Variants in PHF14 observed in about 807,000 individuals in gnomAD.
PHF14 encodes PHD finger protein 14.
PHF14 carries 55 observed loss-of-function variants against 117.9 expected under a neutral mutation model. The ratio of observed to expected loss-of-function variants is 0.47; its 90% CI spans 0.38 to 0.58. The LOEUF is 0.58. Ranked by LOEUF, PHF14 falls within the 20% of genes least tolerant of loss-of-function variation. The probability of loss-of-function intolerance (pLI) is 0.00; values close to 1 mark genes in which losing one functional copy is unlikely to be tolerated. For missense variants in PHF14, 978 were observed against 1,122.2 expected (o/e 0.87, Z 1.84); for synonymous variants, 409 against 368.6 (o/e 1.11, Z -1.26).
intron 17 of PHF14, among the ~76,000 whole-genome samples, chr7:11,129,652 A>G (rs1788035028): frequency 1.3e-5 from 2 of 151,510 alleles, no homozygotes; most frequent in South Asian, 2.1e-4. Flanking sequence ...TATATTAGCA[A>G]TAGGAGTCTC....
chr7:11,129,688 A>C (rs570821957), intron 17 of PHF14, among the ~76,000 whole-genome samples: 3 of 151,808 alleles, frequency 2.0e-5, no homozygotes, highest in African/African-American at 7.3e-5. Context: ...AAATCTGTAT[A>C]GTATTCAGAA....
Position 11,028,678 on chromosome 7 carries a change from T to C in PHF14, c.1318-3T>C, listed in dbSNP as rs1368489242. 4 of 1,613,502 alleles carry C rather than the reference T, an allele frequency of 2.5e-6. No homozygotes were observed. The highest frequency in any genetic ancestry group is 2.2e-5 in the South Asian group (2 of 91,020). ...TGAGAATTTTTCTGTTACTTTGTTG[T>C]AGGAGTGTAGCTTTTGTGAAGACCC... On this transcript the variant is annotated splice_polypyrimidine_tract_variant and splice_region_variant and intron_variant, in intron 6 of 17. Transcript: ENST00000634607.
chr7:10,989,131 A>G (rs1334659513), intron 3 of PHF14, among the ~76,000 whole-genome samples: 3 of 152,226 alleles, frequency 2.0e-5, no homozygotes, highest in Admixed American at 2.0e-4. Flanking sequence ...CTAGAATTCT[A>G]AAGAGAAATG....
In PHF14 at chr7:10,993,965, C is replaced by T. The variant is rs184822356; in HGVS notation, c.1045+3118C>T. Among the ~76,000 whole-genome samples, 294 of 148,640 alleles carry T rather than the reference C, an allele frequency of 2.0e-3. 1 individual carries two copies. The highest frequency in any genetic ancestry group is 6.8e-3 in the African/African-American group (271 of 40,098). ...TGGAGGCTGCAGTGAGCCAAGATTGCGCCAGTGCACTTTGGCCTGGGTGAC... is the reference window on the plus strand; with the variant it reads ...TGGAGGCTGCAGTGAGCCAAGATTGTGCCAGTGCACTTTGGCCTGGGTGAC... On this transcript the variant is annotated intron_variant, in intron 4 of 17. Coordinates refer to ENST00000634607, the MANE Select transcript of PHF14 (RefSeq NM_001007157.2).
chr7:11,006,814 C>T (rs1233701190), intron 4 of PHF14: 21 of 794,862 alleles, frequency 2.6e-5, no homozygotes, highest in Middle Eastern at 3.0e-4. Flanking sequence ...TGAAAGCCTT[C>T]GGTTTGGCTT....
chr7:11,121,315 G>T (rs1464035258), intron 17 of PHF14, among the ~76,000 whole-genome samples: 1 of 152,122 alleles, frequency 6.6e-6, no homozygotes. Flanking sequence ...GAATTTCAAA[G>T]CATGATTATG....
At chr7:11,117,436 G>C (rs1419711713) in intron 17 of PHF14, among the ~76,000 whole-genome samples, 2 of 151,774 alleles carry the variant, frequency 1.3e-5, no homozygotes, top group Non-Finnish European at 2.9e-5. Context: ...ATGCGTGACA[G>C]ACTAGCTAAG....
intron 16 of PHF14, among the ~76,000 whole-genome samples, chr7:11,087,316 C>G (rs147377462): frequency 2.6e-5 from 4 of 151,992 alleles, no homozygotes; most frequent in African/African-American, 7.2e-5. Context: ...CCCAGCCTCC[C>G]GAGTAGCTGG....
At chr7:11,104,454 A>T in intron 16 of PHF14, 1 of 971,188 alleles carries the variant, frequency 1.0e-6, no homozygotes, top group Non-Finnish European at 1.2e-6. Flanking sequence ...CGGTCCAACT[A>T]CTATAAGGAG....
chr7:11,079,535 T>C (rs1003479483), intron 16 of PHF14, among the ~76,000 whole-genome samples: 3 of 152,186 alleles, frequency 2.0e-5, no homozygotes, highest in Non-Finnish European at 4.4e-5. Flanking sequence ...CTATTACTTT[T>C]TTTGACATAA....
Position 11,040,543 on chromosome 7 carries a change from A to T in PHF14, c.2077-129A>T, listed in dbSNP as rs1211094316. On this transcript the variant is annotated intron_variant, in intron 11 of 17. Coordinates refer to ENST00000634607, the MANE Select transcript of PHF14 (RefSeq NM_001007157.2). ...CATTTTAATCCTTTTTGCCAATGTA[A>T]AATCTGATAAAGCAGATTTCCCCCT... 1.5e-5 allele frequency: 6 copies of T among 413,178 alleles called. No homozygotes were observed. The East Asian group carries it at 1.8e-4, about 13-fold the overall frequency. 25.6% of individuals were successfully genotyped at this position (413,178 alleles called of 1,614,324 possible). A position where few individuals can be genotyped will look rare whatever the true frequency, so the allele number is the denominator to read the frequency against.
intron 17 of PHF14, among the ~76,000 whole-genome samples, chr7:11,138,834 T>G (rs1431855987): frequency 6.6e-6 from 1 of 152,206 alleles, no homozygotes; most frequent in Non-Finnish European, 1.5e-5. Flanking sequence ...TGTCATTTGC[T>G]TCACTGTCGT....
At chr7:11,116,207 T>C (rs927271667) in intron 17 of PHF14, among the ~76,000 whole-genome samples, 1 of 152,004 alleles carries the variant, frequency 6.6e-6, no homozygotes, top group African/African-American at 2.4e-5. Context: ...ATTCCGCCAA[T>C]CTTCAGGTAC....
chr7:11,060,022 A>G (rs1196018859), intron 14 of PHF14, among the ~76,000 whole-genome samples: 1 of 152,000 alleles, frequency 6.6e-6, no homozygotes, highest in Non-Finnish European at 1.5e-5. Context: ...CAGCACTCAC[A>G]ACCATGCCTA....
At chr7:11,000,334 C>CTTTTTTTTTTTTTTTTTTTTTTTTTTTG in intron 4 of PHF14, among the ~76,000 whole-genome samples, 1 of 60,348 alleles carries the variant, frequency 1.7e-5, no homozygotes, top group Non-Finnish European at 3.0e-5. Context: ...GCTTATTTGC[C>CTTTTTTTTTTTTTTTTTTTTTTTTTTTG]TTTTTTTTTT....
chr7:11,116,561 G>T (rs1021756149), intron 17 of PHF14, among the ~76,000 whole-genome samples: 6 of 151,762 alleles, frequency 4.0e-5, no homozygotes, highest in African/African-American at 1.5e-4. Context: ...TTTCCTTAAT[G>T]TATACTCTTG....
chr7:11,016,652 A>G (rs1381600978), intron 5 of PHF14, among the ~76,000 whole-genome samples: 1 of 152,124 alleles, frequency 6.6e-6, no homozygotes, highest in African/African-American at 2.4e-5. Flanking sequence ...GGTACATGAG[A>G]TGTTTTGATA....
In PHF14 at chr7:11,102,995, A is replaced by G. The variant is rs537509151; in HGVS notation, c.2655-8355A>G. ...GAACAATACAAATAACAAACAAGAAAGACAATGCATTCCATTAGTCTGCTA... is the reference window on the plus strand; with the variant it reads ...GAACAATACAAATAACAAACAAGAAGGACAATGCATTCCATTAGTCTGCTA... On this transcript the variant is annotated intron_variant, in intron 16 of 17. Coordinates refer to ENST00000634607, the MANE Select transcript of PHF14 (RefSeq NM_001007157.2). The G allele has an allele frequency of 1.1e-5, 11 of 995,798 alleles. No homozygotes were observed. In the African/African-American group the frequency reaches 1.6e-4, roughly 14 times the overall value. 61.7% of individuals were successfully genotyped at this position (995,798 alleles called of 1,614,324 possible).
At chr7:11,123,909 C>T (rs1485766255) in intron 17 of PHF14, among the ~76,000 whole-genome samples, 2 of 150,740 alleles carry the variant, frequency 1.3e-5, no homozygotes, top group East Asian at 3.9e-4. Context: ...CAGAGCGAGA[C>T]TCCATCTCAA....
Sources: gnomAD v4.1 joint callset for allele counts (sites outside exome capture counted in the v4.1 genomes callset) on GRCh38, gnomAD v4.1.1 for gene constraint, MANE v1.5 for transcripts, NCBI Gene and HGNC (gene_info 2026-07-23, HGNC 2026-07-21) for gene names.